Variants in MAGI3 observed in about 807,000 individuals in gnomAD.
MAGI3 encodes the protein membrane-associated guanylate kinase, WW and PDZ domain-containing protein 3.
In MAGI3, 43 loss-of-function variants were observed where a neutral mutation model predicts 121.8. The ratio of observed to expected loss-of-function variants is 0.35; its 90% CI spans 0.28 to 0.46. The LOEUF is 0.46. MAGI3 is among the 20% of genes least tolerant of loss of function. The probability of loss-of-function intolerance (pLI) is 1.00; values close to 1 mark genes in which losing one functional copy is unlikely to be tolerated. For missense variants in MAGI3, 1,547 were observed against 1,797.3 expected (o/e 0.86, Z 2.52); for synonymous variants, 553 against 639.3 (o/e 0.86, Z 2.04).
At chr1:113,636,718 G>A (rs918316948) in intron 9 of MAGI3, among the ~76,000 whole-genome samples, 2 of 152,068 alleles carry the variant, frequency 1.3e-5, no homozygotes, top group African/African-American at 4.8e-5. Context: ...ATTTGGGGTG[G>A]AGAGTTCTGT....
chr1:113,671,675 C>T, intron 16 of MAGI3, 59 bp from the exon 17 acceptor site: 1 of 1,526,524 alleles, frequency 6.6e-7, no homozygotes, highest in South Asian at 1.1e-5. Flanking sequence ...CACAGATCCG[C>T]TTGGCCTTCA....
intron 12 of MAGI3, 55 bp downstream of exon 12, chr1:113,646,697 A>G (rs1557872698): frequency 2.2e-6 from 3 of 1,354,826 alleles, no homozygotes; most frequent in East Asian, 2.4e-5. Context: ...ATTTGGATTT[A>G]TTTTAGACTA....
chr1:113,492,591 G>C (rs1656722632), intron 1 of MAGI3, among the ~76,000 whole-genome samples: 1 of 152,164 alleles, frequency 6.6e-6, no homozygotes, highest in South Asian at 2.1e-4. Flanking sequence ...CATATAGGAG[G>C]AGAGGAAGTT....
chr1:113,445,952 G>GA (rs1352667160), intron 1 of MAGI3, among the ~76,000 whole-genome samples: 1 of 152,032 alleles, frequency 6.6e-6, no homozygotes, highest in Non-Finnish European at 1.5e-5. Context: ...ACAGCTGTAT[G>GA]AAAAAATAAA....
intron 1 of MAGI3, among the ~76,000 whole-genome samples, chr1:113,409,166 C>CT (rs57811709): frequency 2.9e-4 from 41 of 143,440 alleles, no homozygotes; most frequent in Admixed American, 3.5e-4. Context: ...AGGATCTGTT[C>CT]TTTTTTTTTT....
chr1:113,570,265 C>T (rs1647225704), intron 2 of MAGI3, among the ~76,000 whole-genome samples: 1 of 152,124 alleles, frequency 6.6e-6, no homozygotes, highest in South Asian at 2.1e-4. Flanking sequence ...TGTCCCTGTG[C>T]CACATTTTCT....
At chr1:113,553,561 T>C (rs952346189) in intron 2 of MAGI3, among the ~76,000 whole-genome samples, 1 of 152,200 alleles carries the variant, frequency 6.6e-6, no homozygotes, top group African/African-American at 2.4e-5. Context: ...GGTCCTCCCT[T>C]ACTAGCAGGG....
intron 1 of MAGI3, among the ~76,000 whole-genome samples, chr1:113,515,327 A>T (rs12045148): frequency 0.15 from 22,936 of 152,058 alleles, 2,754 homozygotes; most frequent in East Asian, 0.63. Context: ...GCATGGCTTG[A>T]TGTAGAGCTT....
intron 1 of MAGI3, among the ~76,000 whole-genome samples, chr1:113,479,561 A>G (rs1656014630): frequency 1.3e-5 from 2 of 152,152 alleles, no homozygotes; most frequent in South Asian, 4.1e-4. Flanking sequence ...TTTGATTAAA[A>G]TGTGTCTTGG....
intron 6 of MAGI3, among the ~76,000 whole-genome samples, chr1:113,610,464 C>T (rs1650049970): frequency 6.6e-6 from 1 of 152,104 alleles, no homozygotes; most frequent in Non-Finnish European, 1.5e-5. Context: ...AAATCTTTAT[C>T]TTCTTATATT....
At chr1:113,452,091 T>G (rs147088459) in intron 1 of MAGI3, among the ~76,000 whole-genome samples, 1 of 152,302 alleles carries the variant, frequency 6.6e-6, no homozygotes, top group Non-Finnish European at 1.5e-5. Flanking sequence ...ACAATATCTT[T>G]CTTTCCTGAG....
At chr1:113,535,596 A>T (rs1189949515) in intron 1 of MAGI3, among the ~76,000 whole-genome samples, 1 of 152,166 alleles carries the variant, frequency 6.6e-6, no homozygotes, top group Admixed American at 6.5e-5. Context: ...ATATTACCTT[A>T]GTAGATCTTT....
intron 2 of MAGI3, among the ~76,000 whole-genome samples, chr1:113,557,765 C>T (rs1660059543): frequency 1.3e-5 from 2 of 152,192 alleles, no homozygotes; most frequent in African/African-American, 4.8e-5. Context: ...TGGGTGAGAC[C>T]TCCTTACTGG....
intron 9 of MAGI3, among the ~76,000 whole-genome samples, chr1:113,629,759 T>TCTCCCTCTCCCC (rs1651492554): frequency 1.2e-5 from 1 of 80,508 alleles, no homozygotes; most frequent in Non-Finnish European, 2.7e-5. Flanking sequence ...TCTCTCTCTC[T>TCTCCCTCTCCCC]CTCCCTCCCT....
intron 9 of MAGI3, among the ~76,000 whole-genome samples, chr1:113,623,399 C>CTA (rs34212342): frequency 0.02 from 2,879 of 143,332 alleles, 37 homozygotes; most frequent in Non-Finnish European, 0.03. Flanking sequence ...TTCCTTCTAG[C>CTA]TATATATATA....
chr1:113,569,364 C>G (rs997659852), intron 2 of MAGI3, among the ~76,000 whole-genome samples: 1 of 152,062 alleles, frequency 6.6e-6, no homozygotes, highest in African/African-American at 2.4e-5. Flanking sequence ...TCTGTCAAGC[C>G]ACCTTTTCTT....
At chr1:113,436,988 G>C (rs913975676) in intron 1 of MAGI3, among the ~76,000 whole-genome samples, 7 of 151,632 alleles carry the variant, frequency 4.6e-5, no homozygotes, top group Non-Finnish European at 7.4e-5. Context: ...CTAATTTTTT[G>C]TATTTTTAGT....
intron 2 of MAGI3, among the ~76,000 whole-genome samples, chr1:113,563,397 G>A (rs1570867637): frequency 6.6e-6 from 1 of 152,088 alleles, no homozygotes; most frequent in Non-Finnish European, 1.5e-5. Flanking sequence ...TTTCAATAGC[G>A]AGCACAGAAA....
chr1:113,517,517 A>G (rs974179642), intron 1 of MAGI3, among the ~76,000 whole-genome samples: 1 of 152,054 alleles, frequency 6.6e-6, no homozygotes, highest in African/African-American at 2.4e-5. Flanking sequence ...TAGTAGGCAC[A>G]AAGGTGCAAA....
Sources: allele counts gnomAD v4.1 joint callset (sites outside exome capture counted in the v4.1 genomes callset), GRCh38; gene constraint gnomAD v4.1.1; transcripts MANE v1.5; gene names NCBI Gene and HGNC (gene_info 2026-07-23, HGNC 2026-07-21).